The following TENM4 variants were observed in gnomAD, a reference collection of about 807,000 sequenced individuals.
The protein encoded by TENM4 is teneurin-4.
In TENM4, 82 loss-of-function variants were observed where a neutral mutation model predicts 243.3. That is an observed-to-expected ratio of 0.34 (90% confidence interval 0.28 to 0.40). The LOEUF is 0.40. Among genes scored for constraint, TENM4 ranks in the 10% least tolerant of loss-of-function variants. TENM4 has a pLI of 1.00. For synonymous variants in TENM4, 1,412 were observed against 1,456.3 expected, an observed-to-expected ratio of 0.97 and a Z score of 0.69; for missense variants, 3,138 against 3,673.3, an observed-to-expected ratio of 0.85 and a Z score of 3.77.
intron 6 of TENM4, among the ~76,000 whole-genome samples, chr11:78,951,188 C>T (rs892372865): frequency 2.0e-5 from 3 of 152,260 alleles, no homozygotes; most frequent in African/African-American, 7.2e-5. Context: ...CCTTGTCCCC[C>T]TGTCTGCGCA....
chr11:79,244,643 T>TA (rs1855482054), intron 2 of TENM4, among the ~76,000 whole-genome samples: 1 of 152,084 alleles, frequency 6.6e-6, no homozygotes, highest in African/African-American at 2.4e-5. Flanking sequence ...TGGAGTTTAA[T>TA]AAAAAAATAT....
chr11:79,364,449 C>G (rs777551405), intron 1 of TENM4, among the ~76,000 whole-genome samples: 38 of 152,144 alleles, frequency 2.5e-4, no homozygotes, highest in Non-Finnish European at 4.4e-5. Flanking sequence ...CCAGATGTCT[C>G]CATCAGAAGG....
chr11:79,288,869 T>C (rs183244706), intron 2 of TENM4, among the ~76,000 whole-genome samples: 1 of 150,764 alleles, frequency 6.6e-6, no homozygotes, highest in East Asian at 2.0e-4. Context: ...GATGACAAGA[T>C]AGTGTGTGGT....
chr11:79,279,385 T>C (rs1254665726), intron 2 of TENM4, among the ~76,000 whole-genome samples: 1 of 152,164 alleles, frequency 6.6e-6, no homozygotes, highest in Non-Finnish European at 1.5e-5. Flanking sequence ...GGAGAGGAAG[T>C]GTAAACTTTC....
At chr11:78,866,426 T>C (rs1219157877) in intron 9 of TENM4, among the ~76,000 whole-genome samples, 2 of 151,594 alleles carry the variant, frequency 1.3e-5, no homozygotes, top group African/African-American at 4.9e-5. Context: ...AGCTTTCTTT[T>C]ATATTTAACA....
At chr11:79,132,207 GCGGTGGTGGGTGCCTGTAGTCC>G (rs1565216601) in intron 4 of TENM4, among the ~76,000 whole-genome samples, 1 of 151,450 alleles carries the variant, frequency 6.6e-6, no homozygotes, top group African/African-American at 2.4e-5. Flanking sequence ...TGAGCCGGGC[GCGGTGGTGGGTGCCTGTAGTCC>G]CAGCTACTCA....
intron 6 of TENM4, among the ~76,000 whole-genome samples, chr11:78,918,857 C>G (rs1333050004): frequency 6.6e-6 from 1 of 152,190 alleles, no homozygotes; most frequent in East Asian, 1.9e-4. Context: ...AAAGACCAAG[C>G]TGCCTTCATG....
At chr11:79,097,217 C>G (rs1861105098) in intron 4 of TENM4, 1 of 152,230 alleles carries the variant, frequency 6.6e-6, no homozygotes, top group African/African-American at 2.4e-5. Context: ...ACAAGGAATC[C>G]ACTCCCTTTC....
chr11:78,931,537 T>G (rs1856669414), intron 6 of TENM4, among the ~76,000 whole-genome samples: 4 of 152,240 alleles, frequency 2.6e-5, no homozygotes. Flanking sequence ...ACTGATCTCA[T>G]AAGGAAGGAA....
chr11:79,397,855 T>TA (rs1047965913), intron 1 of TENM4, among the ~76,000 whole-genome samples: 2 of 152,274 alleles, frequency 1.3e-5, no homozygotes, highest in Non-Finnish European at 2.9e-5. Context: ...AGTCCACAGA[T>TA]ACTGTCAAAT....
At chr11:78,731,060 G>GT (rs1855655485) in intron 21 of TENM4, among the ~76,000 whole-genome samples, 1 of 152,174 alleles carries the variant, frequency 6.6e-6, no homozygotes, top group Non-Finnish European at 1.5e-5. Flanking sequence ...TTGTTTATGT[G>GT]TATTTCATGA....
chr11:78,812,071 C>A, intron 14 of TENM4, 51 bp downstream of exon 14: 2 of 1,527,086 alleles, frequency 1.3e-6, no homozygotes, highest in South Asian at 2.5e-5. Context: ...GCACTATATG[C>A]CAGCCTCTAT....
At chr11:79,336,997 A>G (rs1857158580) in intron 1 of TENM4, among the ~76,000 whole-genome samples, 1 of 152,238 alleles carries the variant, frequency 6.6e-6, no homozygotes, top group Non-Finnish European at 1.5e-5. Context: ...CAGTCTCCCC[A>G]GGCCCCAGGG....
chr11:79,371,818 C>G (rs1290146614), intron 1 of TENM4, among the ~76,000 whole-genome samples: 1 of 152,174 alleles, frequency 6.6e-6, no homozygotes, highest in African/African-American at 2.4e-5. Flanking sequence ...ACATCACCAG[C>G]CCCCTGTAAT....
intron 1 of TENM4, among the ~76,000 whole-genome samples, chr11:79,351,212 C>T (rs992931200): frequency 4.6e-5 from 7 of 152,204 alleles, no homozygotes; most frequent in Non-Finnish European, 8.8e-5. Context: ...CCTTCCTCAT[C>T]ACAACCTTCC....
intron 1 of TENM4, chr11:79,402,232 A>C (rs941957220): frequency 5.7e-6 from 1 of 176,434 alleles, no homozygotes; most frequent in Non-Finnish European, 1.4e-5. Flanking sequence ...GGGTTAGGGG[A>C]ATGAAGTCAC....
rs374842734 is a variant in TENM4, at chr11:78,669,235, A to G, written c.7110T>C (p.Phe2370=). Residue 2370 remains phenylalanine, a synonymous_variant, in exon 32 of 34, where the codon TTT becomes TTC. Coordinates refer to ENST00000278550, the MANE Select transcript of TENM4 (RefSeq NM_001098816.3). This position sits in a 1 kb window ranked among gnomAD's most constrained non-coding sequence, Gnocchi z 6.4. Reference sequence around the variant, plus strand: ...GCTTGATCATCAAACCTGTTCCACTAAAGACAGCAAGAGGGGTCCCGATGT... The same window carrying G: ...GCTTGATCATCAAACCTGTTCCACTGAAGACAGCAAGAGGGGTCCCGATGT... ...CDNIGTPLAV[F]SGTGLMIKQI... 193 of 1,613,832 alleles carry G rather than the reference A, an allele frequency of 1.2e-4. No homozygotes were observed. The highest frequency in any genetic ancestry group is 1.5e-4 in the Non-Finnish European group (173 of 1,179,898).
chr11:78,849,802 A>G (rs1858488520), intron 12 of TENM4, among the ~76,000 whole-genome samples: 1 of 152,202 alleles, frequency 6.6e-6, no homozygotes, highest in South Asian at 2.1e-4. Context: ...AAGAATAATC[A>G]TCTCATGGAA....
At chr11:79,094,691 G>A (rs1861037376) in intron 4 of TENM4, among the ~76,000 whole-genome samples, 1 of 152,142 alleles carries the variant, frequency 6.6e-6, no homozygotes. Context: ...TTCTTTCCTG[G>A]GCCTCCTCTC....
Sources: allele counts gnomAD v4.1 joint callset (sites outside exome capture counted in the v4.1 genomes callset), GRCh38; gene constraint gnomAD v4.1.1; non-coding constraint Gnocchi (gnomAD v3.1); transcripts MANE v1.5; gene names NCBI Gene and HGNC (gene_info 2026-07-23, HGNC 2026-07-21).